CALN1: variants seen among roughly 807,000 people sequenced by gnomAD.
The protein encoded by CALN1 is calcium-binding protein 8.
Under a neutral mutation model 30.6 loss-of-function variants are expected in CALN1, and 17 were observed. The ratio of observed to expected loss-of-function variants is 0.56; its 90% CI spans 0.38 to 0.83. The LOEUF is 0.83. CALN1 is among the 40% of genes least tolerant of loss of function. CALN1 has a pLI of 0.00. For missense variants in CALN1, 291 were observed against 354.9 expected (o/e 0.82, Z 1.45); for synonymous variants, 156 against 131.4 (o/e 1.19, Z -1.28).
rs144030448 is a variant in CALN1 at position 72,247,980 on chromosome 7, C to T, written c.244+30706G>A. Among the ~76,000 whole-genome samples the T allele has an allele frequency of 1.5e-3, 225 of 152,290 alleles. 1 individual carries two copies. The highest frequency in any genetic ancestry group is 5.2e-3 in the African/African-American group (215 of 41,554). ...CTACTGCACTCCAGCCTGAGCAACA[C>T]AGTGAGGCTCTGTCTTTAAACAACA... On this transcript the variant is annotated intron_variant, in intron 3 of 6. Coordinates refer to ENST00000395275, the MANE Select transcript of CALN1 (RefSeq NM_031468.4).
chr7:71,833,990 G>A (rs566640073), intron 5 of CALN1, among the ~76,000 whole-genome samples: 21 of 152,110 alleles, frequency 1.4e-4, no homozygotes, highest in African/African-American at 3.6e-4. Flanking sequence ...TTGGGAGGCC[G>A]TGGCGGGTGG....
At chr7:71,858,277 T>C (rs1468967663) in intron 5 of CALN1, among the ~76,000 whole-genome samples, 1 of 152,124 alleles carries the variant, frequency 6.6e-6, no homozygotes, top group Admixed American at 6.5e-5. Context: ...TCTCCTGCCG[T>C]GATTGTAAGT....
intron 1 of CALN1, among the ~76,000 whole-genome samples, chr7:72,428,676 A>C (rs1253838064): frequency 6.6e-6 from 1 of 152,152 alleles, no homozygotes; most frequent in African/African-American, 2.4e-5. Context: ...ATCAGAAGAG[A>C]GTTTTCAGGA....
chr7:72,401,306 C>CCCT (rs142176484), intron 2 of CALN1, among the ~76,000 whole-genome samples: 7,047 of 152,082 alleles, frequency 0.046, 523 homozygotes, highest in African/African-American at 0.16. Flanking sequence ...GTTCTCACTC[C>CCCT]CCTCCACATC....
intron 3 of CALN1, among the ~76,000 whole-genome samples, chr7:72,190,853 T>A (rs576229689): frequency 3.2e-4 from 48 of 152,298 alleles, no homozygotes; most frequent in Admixed American, 5.2e-4. Flanking sequence ...ATTATTTTTT[T>A]TCAGTTAAAA....
chr7:72,145,222 A>G (rs1368887866), intron 3 of CALN1, among the ~76,000 whole-genome samples: 1 of 152,196 alleles, frequency 6.6e-6, no homozygotes, highest in East Asian at 1.9e-4. Flanking sequence ...ATAGATTGCT[A>G]GCAAGACTAA....
intron 4 of CALN1, among the ~76,000 whole-genome samples, chr7:72,081,802 C>G (rs1020327340): frequency 6.6e-6 from 1 of 152,142 alleles, no homozygotes; most frequent in African/African-American, 2.4e-5. Flanking sequence ...GGCATCTCTC[C>G]TACCCCAGAT....
Position 72,403,407 on chromosome 7 carries a change from G to T in CALN1, c.-38C>A. 6.7e-7 allele frequency: 1 copy of T among 1,493,796 alleles called. No homozygotes were observed. Among genetic ancestry groups the T allele is most frequent in the Non-Finnish European group, 9.0e-7 (1 of 1,108,190 alleles). 92.5% of individuals were successfully genotyped at this position (1,493,796 alleles called of 1,614,324 possible). Reference sequence around the variant, plus strand: ...GCGATGTTCTCAGAGAGAGTTAGAAGCTCATCAAAGGAACGTCAGCGAAGG... The same window carrying T: ...GCGATGTTCTCAGAGAGAGTTAGAATCTCATCAAAGGAACGTCAGCGAAGG... On this transcript the variant is annotated 5_prime_UTR_variant, in exon 2 of 7. Transcript: ENST00000395275.
chr7:72,093,400 A>G (rs1393983767), intron 4 of CALN1, among the ~76,000 whole-genome samples: 1 of 152,122 alleles, frequency 6.6e-6, no homozygotes, highest in African/African-American at 2.4e-5. Flanking sequence ...TACCAGGGAG[A>G]AAACAAACTT....
chr7:72,054,758 T>C (rs1227326785), intron 4 of CALN1, among the ~76,000 whole-genome samples: 1 of 151,796 alleles, frequency 6.6e-6, no homozygotes, highest in African/African-American at 2.4e-5. Flanking sequence ...TGGGGCCTAC[T>C]TGAAGGTGAA....
chr7:72,205,551 A>AAATATATACATATATACATATATATATAT lies in CALN1; in HGVS notation c.244+73134_244+73135insATATATATATATGTATATATGTATATATT. On this transcript the variant is annotated intron_variant, in intron 3 of 6. Coordinates refer to ENST00000395275, the MANE Select transcript of CALN1 (RefSeq NM_031468.4). ...ATTTTTCTCCTGATTGCAAAAAAAAAATATATATATATATATGTATATATA... is the reference window on the plus strand; with the variant it reads ...ATTTTTCTCCTGATTGCAAAAAAAAAAATATATACATATATACATATATATATATATATATATATATATATGTATATATA... Among the ~76,000 whole-genome samples, 27 of 83,036 alleles carry AAATATATACATATATACATATATATATAT rather than the reference A, an allele frequency of 3.3e-4. No homozygotes were observed. The South Asian group carries it at 4.4e-3, about 13-fold the overall frequency. 54.5% of individuals were successfully genotyped at this position (83,036 alleles called of 152,430 possible).
At chr7:72,337,261 C>T (rs888862580) in intron 2 of CALN1, 10 of 985,028 alleles carry the variant, frequency 1.0e-5, no homozygotes, top group Non-Finnish European at 1.1e-5. Context: ...CGCCCGCGTT[C>T]AGGAGCCGGG....
intron 1 of CALN1, among the ~76,000 whole-genome samples, chr7:72,410,144 T>C (rs1044000713): frequency 2.6e-5 from 4 of 152,172 alleles, no homozygotes; most frequent in African/African-American, 9.7e-5. Context: ...GGGCAGAGTG[T>C]GAGCTCCAGC....
At chr7:72,411,778 G>C (rs1018036724) in intron 1 of CALN1, among the ~76,000 whole-genome samples, 2 of 151,648 alleles carry the variant, frequency 1.3e-5, no homozygotes, top group African/African-American at 2.4e-5. Context: ...TAATTGCTAA[G>C]GAATAAAGTA....
intron 5 of CALN1, among the ~76,000 whole-genome samples, chr7:72,011,794 A>T (rs1800095654): frequency 1.3e-5 from 2 of 152,038 alleles, no homozygotes; most frequent in African/African-American, 4.8e-5. Context: ...ACAGGTATGC[A>T]CCACCAGACC....
intron 5 of CALN1, among the ~76,000 whole-genome samples, chr7:71,977,993 C>T (rs74619776): frequency 0.019 from 2,835 of 151,038 alleles, 85 homozygotes; most frequent in African/African-American, 0.064. Context: ...TCATGCCCAC[C>T]AGCTCCTGAA....
In CALN1 at chr7:71,780,590, T is replaced by C. The variant is rs1236272508; in HGVS notation, c.*7185A>G. 2 of 151,906 alleles carry C rather than the reference T, an allele frequency of 1.3e-5. No individual in the cohort carries two copies. The highest frequency in any genetic ancestry group is 2.9e-5 in the Non-Finnish European group (2 of 67,988). The allele number at this position is 151,906 out of a possible 1,614,324, so 9.4% of individuals were successfully genotyped here. ...GTAGCCGGTCCCCCGCGACTGTTAATCTAATTCCTCACAATCACCAAAGAT... is the reference window on the plus strand; with the variant it reads ...GTAGCCGGTCCCCCGCGACTGTTAACCTAATTCCTCACAATCACCAAAGAT... On this transcript the variant is annotated 3_prime_UTR_variant, in exon 7 of 7. Transcript: ENST00000395275.
intron 4 of CALN1, among the ~76,000 whole-genome samples, chr7:72,064,214 A>C (rs1803861891): frequency 6.6e-6 from 1 of 151,830 alleles, no homozygotes; most frequent in African/African-American, 2.4e-5. Flanking sequence ...CCCAGGAGGC[A>C]GAGGTTGCAG....
At chr7:72,098,957 A>C (rs959296013) in intron 4 of CALN1, among the ~76,000 whole-genome samples, 4 of 152,134 alleles carry the variant, frequency 2.6e-5, no homozygotes, top group Admixed American at 6.5e-5. Flanking sequence ...TGACTGTTCC[A>C]TGTGTAGCCG....
Sources: gnomAD v4.1 joint callset for allele counts (sites outside exome capture counted in the v4.1 genomes callset) on GRCh38, gnomAD v4.1.1 for gene constraint, MANE v1.5 for transcripts, NCBI Gene and HGNC (gene_info 2026-07-23, HGNC 2026-07-21) for gene names.